The following L3MBTL4 variants were observed in gnomAD, a reference collection of about 807,000 sequenced individuals.
L3MBTL4 encodes the protein L3MBTL histone methyl-lysine binding protein 4, also known as lethal(3)malignant brain tumor-like protein 4.
A neutral mutation model predicts 84.5 loss-of-function variants in L3MBTL4; 70 were observed. The ratio of observed to expected loss-of-function variants is 0.83; its 90% CI spans 0.68 to 1.01. L3MBTL4 has a LOEUF of 1.01. L3MBTL4 is among the 50% of genes least tolerant of loss of function. L3MBTL4 has a pLI of 0.00. For missense variants in L3MBTL4, 715 were observed against 754.8 expected (o/e 0.95, Z 0.62); for synonymous variants, 274 against 259.8 (o/e 1.05, Z -0.52).
At chr18:6,370,183 C>T (rs1466616880) in intron 1 of L3MBTL4, among the ~76,000 whole-genome samples, 1 of 149,774 alleles carries the variant, frequency 6.7e-6, no homozygotes, top group Non-Finnish European at 1.5e-5. Flanking sequence ...TACTATTGGA[C>T]ACAAGGGTGA....
intron 16 of L3MBTL4, among the ~76,000 whole-genome samples, chr18:6,073,143 AACAG>A (rs1396456328): frequency 1.3e-5 from 2 of 150,958 alleles, no homozygotes; most frequent in East Asian, 3.9e-4. Context: ...GATTAATTGA[AACAG>A]ACAGAGGCAA....
intron 1 of L3MBTL4, among the ~76,000 whole-genome samples, chr18:6,343,971 C>T (rs1365949744): frequency 7.2e-6 from 1 of 139,328 alleles, no homozygotes; most frequent in African/African-American, 2.8e-5. Context: ...ATAAACAGTC[C>T]AGCTTTATAC....
chr18:6,124,710 G>C (rs932604840), intron 14 of L3MBTL4, among the ~76,000 whole-genome samples: 1 of 152,062 alleles, frequency 6.6e-6, no homozygotes, highest in Non-Finnish European at 1.5e-5. Context: ...AACAACTCTT[G>C]AAGTGTGCTG....
chr18:6,223,893 G>A (rs559400814), intron 10 of L3MBTL4, among the ~76,000 whole-genome samples: 3 of 152,130 alleles, frequency 2.0e-5, no homozygotes, highest in South Asian at 2.1e-4. Flanking sequence ...TACTGTGACA[G>A]GAGCAAGAAA....
Position 6,311,570 on chromosome 18 carries a change from T to C in L3MBTL4, c.56A>G (p.Asp19Gly), listed in dbSNP as rs1038487775. ...KLNMDSKERL[D>G]QDGRLEQAEE... Reference sequence around the variant, plus strand: ...ACATCTTACCAAGCGTCCGTCCTGATCCAAACGCTCTTTGGAATCCATATT... The same window carrying C: ...ACATCTTACCAAGCGTCCGTCCTGACCCAAACGCTCTTTGGAATCCATATT... The change falls in exon 3 of 19, where the codon GAT (aspartate) becomes GGT (glycine). Residue 19 changes from aspartate (D) to glycine (G), a missense_variant. By Grantham distance (94) the Asp-to-Gly change is moderately conservative. Coordinates refer to ENST00000317931, the MANE Select transcript of L3MBTL4 (RefSeq NM_001330559.2). 1 of 1,613,282 alleles carries C rather than the reference T, an allele frequency of 6.2e-7. No homozygotes were observed. Among genetic ancestry groups the C allele is most frequent in the Non-Finnish European group, 8.5e-7 (1 of 1,179,768 alleles).
At chr18:6,105,183 A>ATTTTTTTTT (rs869169400) in intron 14 of L3MBTL4, among the ~76,000 whole-genome samples, 1 of 100,424 alleles carries the variant, frequency 1.0e-5, no homozygotes, top group Non-Finnish European at 1.8e-5. Context: ...AACACCACCA[A>ATTTTTTTTT]TTTTTTTTTT....
chr18:6,375,590 T>C (rs781373249), intron 1 of L3MBTL4, among the ~76,000 whole-genome samples: 1 of 152,136 alleles, frequency 6.6e-6, no homozygotes, highest in Non-Finnish European at 1.5e-5. Context: ...TCCTAGTTCC[T>C]TTACTTGAGC....
intron 16 of L3MBTL4, among the ~76,000 whole-genome samples, chr18:6,023,653 G>A (rs183264727): frequency 6.6e-6 from 1 of 152,310 alleles, no homozygotes; most frequent in Non-Finnish European, 1.5e-5. Flanking sequence ...TATTGAAGTT[G>A]CCTGGAAGAG....
At chr18:5,992,462 C>A (rs947344418) in intron 16 of L3MBTL4, among the ~76,000 whole-genome samples, 1 of 152,118 alleles carries the variant, frequency 6.6e-6, no homozygotes, top group Non-Finnish European at 1.5e-5. Context: ...AGGAAATCCC[C>A]CAAGAACATT....
rs558829712 is a variant in L3MBTL4 at position 6,408,750 on chromosome 18, C to T, written c.-91+6051G>A. On this transcript the variant is annotated intron_variant, in intron 1 of 18. Coordinates refer to ENST00000317931, the MANE Select transcript of L3MBTL4 (RefSeq NM_001330559.2). Reference sequence around the variant, plus strand: ...AGGCTAGAGTGCAGTTGTGCAATCTCGGCTCACTGCAACCCCCACCTCCCG... The same window carrying T: ...AGGCTAGAGTGCAGTTGTGCAATCTTGGCTCACTGCAACCCCCACCTCCCG... Among the ~76,000 whole-genome samples the T allele has an allele frequency of 1.1e-4, 17 of 151,434 alleles. 1 individual carries two copies. The South Asian group carries it at 2.9e-3, about 26-fold the overall frequency.
At chr18:6,231,179 T>C (rs1229754084) in intron 10 of L3MBTL4, among the ~76,000 whole-genome samples, 2 of 152,168 alleles carry the variant, frequency 1.3e-5, no homozygotes, top group Non-Finnish European at 2.9e-5. Flanking sequence ...TGGTATTTCA[T>C]AGGTTATCTT....
At chr18:6,222,365 T>C (rs1411993628) in intron 10 of L3MBTL4, among the ~76,000 whole-genome samples, 1 of 152,230 alleles carries the variant, frequency 6.6e-6, no homozygotes, top group Non-Finnish European at 1.5e-5. Context: ...AAAGTATGGC[T>C]GAGCTGTACT....
chr18:6,180,061 A>G (rs2044398727), intron 12 of L3MBTL4, among the ~76,000 whole-genome samples: 1 of 152,222 alleles, frequency 6.6e-6, no homozygotes, highest in African/African-American at 2.4e-5. Flanking sequence ...ACTTAACCTG[A>G]GAACAGTTTA....
chr18:6,308,942 TAC>T (rs10591902), intron 3 of L3MBTL4, among the ~76,000 whole-genome samples: 28,703 of 152,132 alleles, frequency 0.19, 2,829 homozygotes, highest in African/African-American at 0.23. Flanking sequence ...AAATATTTTT[TAC>T]ATTCTATCTA....
intron 4 of L3MBTL4, among the ~76,000 whole-genome samples, chr18:6,278,605 G>T (rs2049187472): frequency 6.6e-6 from 1 of 152,026 alleles, no homozygotes; most frequent in Admixed American, 6.6e-5. Context: ...GCTTTACAAA[G>T]AAACTTTCAC....
At chr18:6,022,660 T>G (rs907786299) in intron 16 of L3MBTL4, among the ~76,000 whole-genome samples, 8 of 152,198 alleles carry the variant, frequency 5.3e-5, no homozygotes, top group African/African-American at 1.9e-4. Context: ...ACAACATCTC[T>G]GTAAGGTGTA....
chr18:6,186,002 A>T (rs534250183), intron 12 of L3MBTL4, among the ~76,000 whole-genome samples: 2 of 134,182 alleles, frequency 1.5e-5, no homozygotes, highest in African/African-American at 3.8e-5. Flanking sequence ...TTATTATTTT[A>T]TATTTTATTT....
chr18:6,024,982 C>T (rs2055436897), intron 16 of L3MBTL4: 1 of 152,062 alleles, frequency 6.6e-6, no homozygotes, highest in African/African-American at 2.4e-5. Flanking sequence ...AATTTATAGC[C>T]CTCCCTTCCA....
chr18:6,104,920 A>T (rs2058952177), intron 14 of L3MBTL4, among the ~76,000 whole-genome samples: 1 of 152,114 alleles, frequency 6.6e-6, no homozygotes, highest in Middle Eastern at 3.4e-3. Flanking sequence ...TTGTAAAGCA[A>T]TATTGTCCTT....
Sources: gnomAD v4.1 joint callset for allele counts (sites outside exome capture counted in the v4.1 genomes callset) on GRCh38, gnomAD v4.1.1 for gene constraint, MANE v1.5 for transcripts, NCBI Gene and HGNC (gene_info 2026-07-23, HGNC 2026-07-21) for gene names.